Variants in B3GALNT1 observed in about 807,000 individuals in gnomAD.
B3GALNT1 encodes the protein beta-1,3-N-acetylgalactosaminyltransferase 1 (Globoside blood group).
In B3GALNT1, 17 loss-of-function variants were observed where a neutral mutation model predicts 27.3. The observed-to-expected ratio is 0.62, with a 90% CI of 0.43 to 0.94. The LOEUF is 0.94. B3GALNT1 is among the 40% of genes least tolerant of loss of function. The pLI, the probability that B3GALNT1 is intolerant of heterozygous loss-of-function variation, is 0.00. For missense variants in B3GALNT1, 347 were observed against 390.0 expected (o/e 0.89, Z 0.93); for synonymous variants, 141 against 144.0 (o/e 0.98, Z 0.15).
chr3:161,100,628 A>G (rs1218822044), intron 4 of B3GALNT1, among the ~76,000 whole-genome samples: 1 of 152,184 alleles, frequency 6.6e-6, no homozygotes, highest in Admixed American at 6.6e-5. Flanking sequence ...TCTCTGATAG[A>G]CTTCTGGGTT....
In B3GALNT1 at chr3:161,086,030, C is replaced by T. The variant is rs1480042758; in HGVS notation, c.725G>A (p.Gly242Asp). Residue 242 changes from glycine (G) to aspartate (D), a missense_variant, in exon 5 of 5, where the codon GGT becomes GAT. Coordinates refer to ENST00000320474, the MANE Select transcript of B3GALNT1 (RefSeq NM_003781.4). ...KVFPPYCSGL[G>D]YIMSRDLVPR... ...CACCAAATCTCTGGACATTATATAA[C>T]CCAACCCACTGCAGTATGGAGGGAA... is the stretch of plus-strand genomic sequence containing the variant. 1.3e-6 allele frequency: 2 copies of T among 1,589,266 alleles called. No individual in the cohort carries two copies. Among genetic ancestry groups the T allele is most frequent in the South Asian group, 2.3e-5 (2 of 85,716 alleles).
rs1283331694 is a variant in B3GALNT1, at chr3:161,092,846, G to A, written c.-34-6058C>T. The stretch of plus-strand genomic sequence containing the variant: ...CAGTGGTGCAATCTCGGCTCACTGC[G>A]CCTCCCGGGTTCACACCATTCTCCT... On this transcript the variant is annotated intron_variant, in intron 4 of 4. Transcript: ENST00000320474. 2.1e-5 allele frequency among the ~76,000 whole-genome samples: 3 copies of A among 143,548 alleles called. No individual in the cohort carries two copies. The Admixed American group carries it at 2.2e-4, about 11-fold the overall frequency. 94.2% of individuals were successfully genotyped at this position (143,548 alleles called of 152,430 possible).
rs1403100048 is a variant in B3GALNT1 at position 161,085,018 on chromosome 3, C to T, written c.*741G>A. On this transcript the variant is annotated 3_prime_UTR_variant, in exon 5 of 5. Coordinates refer to ENST00000320474, the MANE Select transcript of B3GALNT1 (RefSeq NM_003781.4). ...CTTGCTTTAATTCTTCTCTATATTA[C>T]CACAGTAAAATATTTAACAAAGTCC... 6.6e-6 allele frequency: 1 copy of T among 152,086 alleles called. No homozygotes were observed. Among genetic ancestry groups the T allele is most frequent in the Non-Finnish European group, 1.5e-5 (1 of 67,992 alleles). The allele number at this position is 152,086 out of a possible 1,614,324, so 9.4% of individuals were successfully genotyped here. A position where few individuals can be genotyped will look rare whatever the true frequency, so the allele number is the denominator to read the frequency against.
chr3:161,098,775 A>G lies in B3GALNT1; in HGVS notation c.-35+2364T>C, dbSNP rs75186425. ...ATCTGTATTCCAAATAACCCTGAAT[A>G]AGTTGCTGAGACTCTGTAAACATTA... On this transcript the variant is annotated intron_variant, in intron 4 of 4. Transcript: ENST00000320474. Among the ~76,000 whole-genome samples, 277 of 152,354 alleles carry G rather than the reference A, an allele frequency of 1.8e-3. 5 individuals are homozygous for G. In the East Asian group the frequency reaches 0.036, roughly 20 times the overall value.
In B3GALNT1 at chr3:161,085,817, G is replaced by A. The variant is rs1721348981; in HGVS notation, c.938C>T (p.Ser313Phe). ...RRVIAAHGFS[S>F]KEIITFWQVM... is the part of the protein sequence containing the mutation. Reference sequence around the variant, plus strand: ...CTGCCAAAAAGTGATGATCTCCTTGGAAGAAAAGCCATGGGCTGCAATCAC... The same window carrying A: ...CTGCCAAAAAGTGATGATCTCCTTGAAAGAAAAGCCATGGGCTGCAATCAC... The change falls in exon 5 of 5, where the codon TCC becomes TTC. Residue 313 changes from serine (S) to phenylalanine (F), a missense_variant. By Grantham distance (155) the Ser-to-Phe change is radical. Transcript: ENST00000320474. 1.9e-6 allele frequency: 3 copies of A among 1,614,152 alleles called. No homozygotes were observed. The highest frequency in any genetic ancestry group is 4.5e-5 in the East Asian group (2 of 44,868).
chr3:161,096,517 T>A (rs1728260120), intron 4 of B3GALNT1, among the ~76,000 whole-genome samples: 1 of 152,188 alleles, frequency 6.6e-6, no homozygotes, highest in South Asian at 2.1e-4. Context: ...GCATATTAAG[T>A]TTAATTCAAA....
chr3:161,099,907 G>A (rs550117810), intron 4 of B3GALNT1, among the ~76,000 whole-genome samples: 236 of 152,214 alleles, frequency 1.6e-3, no homozygotes, highest in Middle Eastern at 6.8e-3. Flanking sequence ...AGCCCCATAT[G>A]AGTTCCATTT....
At position 161,086,166 on chromosome 3, in the gene B3GALNT1, G is replaced by C; in HGVS notation, c.589C>G (p.Leu197Val). 1 of 1,613,956 alleles carries C rather than the reference G, an allele frequency of 6.2e-7. No homozygotes were observed. Among genetic ancestry groups the C allele is most frequent in the Non-Finnish European group, 8.5e-7 (1 of 1,179,934 alleles). ...GTGAAAAACTTCTCTGAGTGGTTTAGGTTTAAAAGATACTTCACTAAATTG... is the reference window on the plus strand; with the variant it reads ...GTGAAAAACTTCTCTGAGTGGTTTACGTTTAAAAGATACTTCACTAAATTG... ...TGNLVKYLLNLNHSEKFFTGY... is the reference protein window; with the variant it reads ...TGNLVKYLLNVNHSEKFFTGY... Residue 197 changes from leucine (L) to valine (V), a missense_variant, in exon 5 of 5, where the codon CTA becomes GTA. Leu to Val is a conservative substitution (Grantham distance 32, BLOSUM62 1). Transcript: ENST00000320474.
chr3:161,088,287 C>A (rs180673066), intron 4 of B3GALNT1, among the ~76,000 whole-genome samples: 1 of 152,296 alleles, frequency 6.6e-6, no homozygotes, highest in Admixed American at 6.5e-5. Flanking sequence ...TATTTTAACC[C>A]ACACAACGCA....
At chr3:161,104,064 T>G in intron 2 of B3GALNT1, 1 of 286,886 alleles carries the variant, frequency 3.5e-6, no homozygotes, top group East Asian at 1.1e-4. Context: ...TTTTCAGGTC[T>G]GGAGTTATCC....
chr3:161,099,221 C>CT (rs1729862402), intron 4 of B3GALNT1, among the ~76,000 whole-genome samples: 1 of 152,186 alleles, frequency 6.6e-6, no homozygotes, highest in African/African-American at 2.4e-5. Context: ...ACAGGCCTAT[C>CT]TTTAGCCTTT....
intron 4 of B3GALNT1, among the ~76,000 whole-genome samples, chr3:161,088,196 T>C (rs762252188): frequency 6.6e-6 from 1 of 152,184 alleles, no homozygotes; most frequent in Non-Finnish European, 1.5e-5. Context: ...TCAAGGCTCC[T>C]TGTCCTCTTC....
intron 3 of B3GALNT1, among the ~76,000 whole-genome samples, chr3:161,102,450 G>A (rs1576773687): frequency 6.6e-6 from 1 of 151,962 alleles, no homozygotes; most frequent in African/African-American, 2.4e-5. Context: ...ATGCTGATGC[G>A]CCCCCTACAA....
chr3:161,094,548 T>C (rs1042470690), intron 4 of B3GALNT1, among the ~76,000 whole-genome samples: 10 of 152,142 alleles, frequency 6.6e-5, no homozygotes, highest in African/African-American at 1.2e-4. Context: ...GGCTATTTCC[T>C]GCAAAAAGAA....
intron 3 of B3GALNT1, among the ~76,000 whole-genome samples, chr3:161,102,505 A>T (rs962397189): frequency 5.9e-5 from 9 of 152,184 alleles, no homozygotes; most frequent in African/African-American, 1.9e-4. Context: ...CCTAGCCTCT[A>T]ATTCACAATA....
intron 4 of B3GALNT1, among the ~76,000 whole-genome samples, chr3:161,098,059 C>T (rs1392130874): frequency 6.6e-6 from 1 of 152,172 alleles, no homozygotes; most frequent in Non-Finnish European, 1.5e-5. Context: ...TCTTCATACT[C>T]CCCTCTCTCC....
chr3:161,086,141 G>A lies in B3GALNT1; in HGVS notation c.614C>T (p.Thr205Ile). The change falls in exon 5 of 5, where the codon ACA becomes ATA. Residue 205 changes from threonine to isoleucine, a missense_variant. Transcript: ENST00000320474. ...LNLNHSEKFF[T>I]GYPLIDNYSY... ...ATAATTATCAATTAGAGGATAACCT[G>A]TGAAAAACTTCTCTGAGTGGTTTAG... The A allele has an allele frequency of 6.2e-7, 1 of 1,612,260 alleles. No individual in the cohort carries two copies. The highest frequency in any genetic ancestry group is 8.5e-7 in the Non-Finnish European group (1 of 1,179,128).
intron 4 of B3GALNT1, among the ~76,000 whole-genome samples, chr3:161,099,013 AAT>A (rs1172239074): frequency 6.6e-5 from 10 of 152,202 alleles, no homozygotes; most frequent in African/African-American, 2.4e-4. Context: ...TGTGAGTAAT[AAT>A]AGTAGCTAGA....
intron 4 of B3GALNT1, among the ~76,000 whole-genome samples, chr3:161,100,119 G>A (rs1463055123): frequency 1.3e-5 from 2 of 152,182 alleles, no homozygotes; most frequent in African/African-American, 4.8e-5. Context: ...GAAGGCAAAT[G>A]AGAAACCAAA....
Sources: allele counts gnomAD v4.1 joint callset (sites outside exome capture counted in the v4.1 genomes callset), GRCh38; gene constraint gnomAD v4.1.1; transcripts MANE v1.5; gene names NCBI Gene and HGNC (gene_info 2026-07-23, HGNC 2026-07-21).